Variants in SOX5 observed in about 807,000 individuals in gnomAD.
SOX5 encodes transcription factor SOX-5.
In SOX5, 9 loss-of-function variants were observed where a neutral mutation model predicts 92.0. The observed-to-expected ratio is 0.10, with a 90% CI of 0.06 to 0.17. The LOEUF is 0.17. Among genes scored for constraint, SOX5 ranks in the 10% least tolerant of loss-of-function variants. The pLI is 1.00. For missense variants in SOX5, 642 were observed against 944.5 expected (o/e 0.68, Z 4.20); for synonymous variants, 344 against 336.3 (o/e 1.02, Z -0.25).
chr12:24,292,523 T>G (rs375701060), intron 2 of SOX5, among the ~76,000 whole-genome samples: 130 of 152,296 alleles, frequency 8.5e-4, no homozygotes, highest in Middle Eastern at 6.8e-3. Flanking sequence ...AGACAGAAAT[T>G]TTGTGAGACT....
chr12:24,062,452 C>A (rs1371180743), intron 4 of SOX5, among the ~76,000 whole-genome samples: 1 of 152,136 alleles, frequency 6.6e-6, no homozygotes, highest in Non-Finnish European at 1.5e-5. Context: ...ATATCAGTAG[C>A]TCTAAATGTT....
intron 1 of SOX5, among the ~76,000 whole-genome samples, chr12:24,536,344 T>TA (rs1409568661): frequency 6.6e-6 from 1 of 152,160 alleles, no homozygotes; most frequent in African/African-American, 2.4e-5. Flanking sequence ...TGACAGCACC[T>TA]AGAGAGAGAT....
At chr12:23,563,797 G>C (rs780833863) in intron 10 of SOX5, among the ~76,000 whole-genome samples, 1 of 151,996 alleles carries the variant, frequency 6.6e-6, no homozygotes, top group Non-Finnish European at 1.5e-5. Context: ...ACAGAATTTA[G>C]GTATTCATAA....
Position 23,741,052 on chromosome 12 carries a change from T to G in SOX5, c.569-13A>C, listed in dbSNP as rs776728055. On this transcript the variant is annotated splice_polypyrimidine_tract_variant and intron_variant, in intron 4 of 14. Transcript: ENST00000451604. ...CTCTCGGGAGTCCCTACAAATCATA[T>G]AGCAATAAAACAGACAAAATAAATG... 1 of 1,569,696 alleles carries G rather than the reference T, an allele frequency of 6.4e-7. No individual in the cohort carries two copies. Among genetic ancestry groups the G allele is most frequent in the Non-Finnish European group, 8.7e-7 (1 of 1,152,966 alleles).
chr12:24,474,131 A>G (rs1306749257), intron 1 of SOX5, among the ~76,000 whole-genome samples: 3 of 152,386 alleles, frequency 2.0e-5, no homozygotes, highest in African/African-American at 7.2e-5. Context: ...TCAACTAGAT[A>G]TAAGAGAAAG....
chr12:24,381,295 C>G (rs538130895), intron 1 of SOX5, among the ~76,000 whole-genome samples: 85 of 152,242 alleles, frequency 5.6e-4, no homozygotes, highest in African/African-American at 2.0e-3. Context: ...ATCAATTAGA[C>G]TGTTAACCTA....
chr12:23,692,277 T>TA (rs916583598), intron 6 of SOX5, among the ~76,000 whole-genome samples: 14 of 147,838 alleles, frequency 9.5e-5, no homozygotes, highest in South Asian at 2.1e-4. Context: ...TAATAAAAAT[T>TA]AAAAAAAAAA....
chr12:23,940,031 T>G (rs1595792478), intron 1 of SOX5, among the ~76,000 whole-genome samples: 1 of 151,160 alleles, frequency 6.6e-6, no homozygotes, highest in African/African-American at 2.4e-5. Flanking sequence ...CATGCTCTCC[T>G]GCGGATTCTT....
chr12:24,335,171 TTC>T (rs927404683), intron 2 of SOX5, among the ~76,000 whole-genome samples: 2 of 152,168 alleles, frequency 1.3e-5, no homozygotes, highest in East Asian at 3.8e-4. Flanking sequence ...GAAGACCAAT[TTC>T]TCTTTCACCT....
intron 2 of SOX5, among the ~76,000 whole-genome samples, chr12:24,299,468 G>T (rs1046238438): frequency 6.6e-6 from 1 of 151,708 alleles, no homozygotes; most frequent in Non-Finnish European, 1.5e-5. Flanking sequence ...CTTATATCTG[G>T]GTATATTAAA....
intron 4 of SOX5, among the ~76,000 whole-genome samples, chr12:24,076,234 A>C (rs2137526677): frequency 6.6e-6 from 1 of 152,244 alleles, no homozygotes; most frequent in East Asian, 1.9e-4. Flanking sequence ...CACCTAAAAC[A>C]ACTTTTCTGG....
intron 1 of SOX5, among the ~76,000 whole-genome samples, chr12:24,512,785 A>G (rs1949440965): frequency 6.6e-6 from 1 of 152,218 alleles, no homozygotes; most frequent in African/African-American, 2.4e-5. Flanking sequence ...AGAGTGCAGA[A>G]TACAGGGTTA....
intron 2 of SOX5, among the ~76,000 whole-genome samples, chr12:24,354,109 T>C (rs192957390): frequency 6.6e-6 from 1 of 152,182 alleles, no homozygotes; most frequent in Non-Finnish European, 1.5e-5. Context: ...AATTATAGAC[T>C]GTGAAAAAAT....
intron 9 of SOX5, among the ~76,000 whole-genome samples, chr12:23,599,083 T>C (rs934102226): frequency 2.6e-5 from 4 of 152,222 alleles, no homozygotes; most frequent in African/African-American, 9.6e-5. Flanking sequence ...AACTATGTGA[T>C]TGGTACCATT....
At chr12:23,925,160 A>T (rs1939596597) in intron 1 of SOX5, among the ~76,000 whole-genome samples, 1 of 152,142 alleles carries the variant, frequency 6.6e-6, no homozygotes, top group African/African-American at 2.4e-5. Context: ...GATCACAATT[A>T]TGACCTCATA....
intron 4 of SOX5, among the ~76,000 whole-genome samples, chr12:23,742,982 A>T (rs1421335358): frequency 6.6e-6 from 1 of 152,170 alleles, no homozygotes; most frequent in Non-Finnish European, 1.5e-5. Flanking sequence ...CAAAAATATC[A>T]TAAGAAATGT....
intron 3 of SOX5, among the ~76,000 whole-genome samples, chr12:23,824,037 A>T (rs2096180163): frequency 6.6e-6 from 1 of 152,088 alleles, no homozygotes; most frequent in African/African-American, 2.4e-5. Context: ...CAATGTTCTT[A>T]GTTTCCTTGC....
chr12:23,896,098 G>C, intron 1 of SOX5, 74 bp from the exon 2 acceptor site: 1 of 1,051,462 alleles, frequency 9.5e-7, no homozygotes, highest in Non-Finnish European at 1.4e-6. Context: ...TGTGGTTAGG[G>C]GCCATTGTAA....
intron 3 of SOX5, among the ~76,000 whole-genome samples, chr12:24,213,676 A>C (rs111419514): frequency 4.6e-5 from 7 of 152,106 alleles, no homozygotes; most frequent in African/African-American, 1.7e-4. Flanking sequence ...GTTAGTGGCT[A>C]ATGAATGAAA....
Sources: gnomAD v4.1 joint callset for allele counts (sites outside exome capture counted in the v4.1 genomes callset) on GRCh38, gnomAD v4.1.1 for gene constraint, MANE v1.5 for transcripts, NCBI Gene and HGNC (gene_info 2026-07-23, HGNC 2026-07-21) for gene names.